The following FRAS1 variants were observed in gnomAD, a reference collection of about 807,000 sequenced individuals.
FRAS1 encodes the protein extracellular matrix organizing protein FRAS1.
Under a neutral mutation model 435.2 loss-of-function variants are expected in FRAS1, and 290 were observed. That is an observed-to-expected ratio of 0.67 (90% CI 0.61 to 0.73). The LOEUF (loss-of-function observed/expected upper bound fraction) is 0.73, where lower values mean the gene tolerates loss of function less well. Among genes scored for constraint, FRAS1 ranks in the 30% least tolerant of loss-of-function variants. The pLI is 0.00. For synonymous variants in FRAS1, 1,800 were observed against 1,851.0 expected (o/e 0.97, Z 0.71); for missense variants, 4,860 against 5,001.5 (o/e 0.97, Z 0.85).
At chr4:78,462,427 A>G (rs1014461305) in intron 47 of FRAS1, among the ~76,000 whole-genome samples, 1 of 152,182 alleles carries the variant, frequency 6.6e-6, no homozygotes, top group Non-Finnish European at 1.5e-5. Flanking sequence ...CACTGTCTAT[A>G]TATGTAATTT....
At chr4:78,089,518 A>G (rs7695999) in intron 2 of FRAS1, among the ~76,000 whole-genome samples, 5,579 of 152,230 alleles carry the variant, frequency 0.037, 329 homozygotes, top group African/African-American at 0.13. Flanking sequence ...CTTGAGTTAC[A>G]TGTGAATCAT....
At chr4:78,117,949 A>C (rs1404895873) in intron 2 of FRAS1, among the ~76,000 whole-genome samples, 1 of 151,904 alleles carries the variant, frequency 6.6e-6, no homozygotes, top group Non-Finnish European at 1.5e-5. Context: ...TTTTTTCCCC[A>C]TCTTTGTGGT....
chr4:78,182,268 T>C (rs1188041603), intron 2 of FRAS1, among the ~76,000 whole-genome samples: 1 of 152,218 alleles, frequency 6.6e-6, no homozygotes, highest in Non-Finnish European at 1.5e-5. Context: ...TGTGGTTATA[T>C]GATGTACCAT....
At chr4:78,286,669 A>G (rs1274056197) in intron 14 of FRAS1, 130 bp downstream of exon 14, 5 of 841,742 alleles carry the variant, frequency 5.9e-6, no homozygotes, top group Non-Finnish European at 7.3e-6. Flanking sequence ...TCTAAACAAG[A>G]CTTCTGATGG....
chr4:78,318,623 A>G (rs1480176258), intron 17 of FRAS1, among the ~76,000 whole-genome samples, 187 bp from the exon 18 acceptor site: 2 of 152,140 alleles, frequency 1.3e-5, no homozygotes, highest in Non-Finnish European at 2.9e-5. Flanking sequence ...GTGACTGGTT[A>G]ACACCACCCC....
In FRAS1 at chr4:78,464,117, G is replaced by C. The variant is rs768076002; in HGVS notation, c.6860G>C (p.Ser2287Thr). Residue 2287 changes from serine (S) to threonine (T), a missense_variant, in exon 48 of 74, where the codon AGC (serine) becomes ACC (threonine). Ser to Thr is a moderately conservative substitution (Grantham distance 58). Transcript: ENST00000512123. ...SEAEKHSDAFSFTLSDGVSEV... is the reference protein window; with the variant it reads ...SEAEKHSDAFTFTLSDGVSEV... ...GCTGAGAAACATTCAGATGCCTTCA[G>C]CTTTACACTGTCTGATGGAGTCAGT... The C allele has an allele frequency of 6.2e-7, 1 of 1,613,262 alleles. No homozygotes were observed. Among genetic ancestry groups the C allele is most frequent in the Admixed American group, 1.7e-5 (1 of 59,974 alleles).
chr4:78,083,626 G>GTTTTTTTT lies in FRAS1; in HGVS notation c.108+17622_108+17629dup, dbSNP rs35633131. 1.8e-4 allele frequency among the ~76,000 whole-genome samples: 19 copies of GTTTTTTTT among 108,290 alleles called. 1 individual carries two copies. The highest frequency in any genetic ancestry group is 4.4e-4 in the African/African-American group (12 of 27,426). The allele number at this position is 108,290 out of a possible 152,430, so 71.0% of individuals were successfully genotyped here. A position where few individuals can be genotyped will look rare whatever the true frequency, so the allele number is the denominator to read the frequency against. On this transcript the variant is annotated intron_variant, in intron 2 of 73. Transcript: ENST00000512123. ...TTATTTTTCATTACATGCAAGTTCT[G>GTTTTTTTT]TTTTTTTTTTTTTTTTTTTGCAAGA...
chr4:78,511,592 G>T (rs1721042951), intron 64 of FRAS1, 86 bp downstream of exon 64: 2 of 994,006 alleles, frequency 2.0e-6, no homozygotes, highest in East Asian at 5.2e-5. Flanking sequence ...ATCAATAAGG[G>T]ATGCTTCTGC....
At chr4:78,344,743 T>G (rs760307648) in intron 20 of FRAS1, among the ~76,000 whole-genome samples, 5 of 152,208 alleles carry the variant, frequency 3.3e-5, no homozygotes, top group Admixed American at 1.3e-4. Flanking sequence ...CTAAGGAAGC[T>G]GATTTAGACT....
chr4:78,513,017 G>A (rs1721086222), intron 64 of FRAS1, among the ~76,000 whole-genome samples: 1 of 152,210 alleles, frequency 6.6e-6, no homozygotes, highest in Admixed American at 6.5e-5. Context: ...GACATTCACT[G>A]TGACAGAGCA....
intron 2 of FRAS1, among the ~76,000 whole-genome samples, chr4:78,203,291 G>T (rs7678978): frequency 0.96 from 145,881 of 152,172 alleles, 70,219 homozygotes; most frequent in East Asian, 1. Context: ...GCAAGGGACT[G>T]AAAGGTAACT....
intron 2 of FRAS1, 24 bp downstream of exon 2, chr4:78,066,040 G>T: frequency 6.4e-7 from 1 of 1,559,988 alleles, no homozygotes; most frequent in Non-Finnish European, 8.8e-7. Context: ...TACATACTTG[G>T]TTTCTGTCAT....
chr4:78,446,444 A>G (rs1320628212), intron 42 of FRAS1: 2 of 1,203,316 alleles, frequency 1.7e-6, no homozygotes, highest in East Asian at 1.0e-4. Context: ...GTCAAAGCAC[A>G]TATCCATATT....
rs267600270 is a variant in FRAS1 at position 78,451,811 on chromosome 4, G to A, written c.6503G>A (p.Gly2168Glu). ...AGTCATGGAACAGGAGAACCTGGAG[G>A]GAGCTTTGCTTTTAAATTTGATGTG... ...EYSHGTGEPG[G>E]SFAFKFDVVD... The change falls in exon 46 of 74, where the codon GGG becomes GAG. Residue 2168 changes from glycine (G) to glutamate (E), a missense_variant. Physicochemically the swap from Gly to Glu is moderately conservative, Grantham distance 98. Coordinates refer to ENST00000512123, the MANE Select transcript of FRAS1 (RefSeq NM_025074.7). 1.2e-6 allele frequency: 2 copies of A among 1,612,550 alleles called. No individual in the cohort carries two copies. Among genetic ancestry groups the A allele is most frequent in the Non-Finnish European group, 1.7e-6 (2 of 1,178,892 alleles).
At chr4:78,522,404 A>G (rs918096587) in intron 68 of FRAS1, among the ~76,000 whole-genome samples, 2 of 152,208 alleles carry the variant, frequency 1.3e-5, no homozygotes, top group African/African-American at 4.8e-5. Context: ...CACAAGGAAT[A>G]TTCCTATTGT....
In FRAS1 at chr4:78,452,171, T is replaced by G; in HGVS notation, c.6584-4T>G. 1 of 1,613,238 alleles carries G rather than the reference T, an allele frequency of 6.2e-7. No individual in the cohort carries two copies. Among genetic ancestry groups the G allele is most frequent in the Non-Finnish European group, 8.5e-7 (1 of 1,179,304 alleles). ...TTTCAAATCACTATTTCTGATATTT[T>G]CAGAAGACAAATCCCCACCAGTCAT... On this transcript the variant is annotated splice_polypyrimidine_tract_variant and splice_region_variant and intron_variant, in intron 46 of 73. Coordinates refer to ENST00000512123, the MANE Select transcript of FRAS1 (RefSeq NM_025074.7).
Position 78,149,696 on chromosome 4 carries a change from T to A in FRAS1, c.108+83680T>A, listed in dbSNP as rs185313943. ...GGATTCCATCTTAGGAATATTCCAT[T>A]CTTCATTGATTTTCTCATATACTTT... On this transcript the variant is annotated intron_variant, in intron 2 of 73. Coordinates refer to ENST00000512123, the MANE Select transcript of FRAS1 (RefSeq NM_025074.7). Among the ~76,000 whole-genome samples, 37 of 152,268 alleles carry A rather than the reference T, an allele frequency of 2.4e-4. 1 individual carries two copies. The East Asian group carries it at 7.1e-3, about 29-fold the overall frequency.
At chr4:78,509,389 T>C (rs1720959748) in intron 63 of FRAS1, among the ~76,000 whole-genome samples, 1 of 152,244 alleles carries the variant, frequency 6.6e-6, no homozygotes, top group Non-Finnish European at 1.5e-5. Flanking sequence ...TAGGCGCTGT[T>C]GATTACTATT....
At chr4:78,285,316 T>A (rs10010879) in intron 13 of FRAS1, among the ~76,000 whole-genome samples, 1 of 149,550 alleles carries the variant, frequency 6.7e-6, no homozygotes, top group South Asian at 2.2e-4. Context: ...GCCGAGATTG[T>A]GCCACTGCAC....
Sources: gnomAD v4.1 joint callset for allele counts (sites outside exome capture counted in the v4.1 genomes callset) on GRCh38, gnomAD v4.1.1 for gene constraint, MANE v1.5 for transcripts, NCBI Gene and HGNC (gene_info 2026-07-23, HGNC 2026-07-21) for gene names.